The following ACSM5 variants were observed in gnomAD, a reference collection of about 807,000 sequenced individuals.
ACSM5 encodes acyl-CoA synthetase medium chain family member 5, also known as acyl-coenzyme A synthetase ACSM5, mitochondrial.
A neutral mutation model predicts 71.6 loss-of-function variants in ACSM5; 56 were observed. The ratio of observed to expected loss-of-function variants is 0.78; its 90% CI spans 0.63 to 0.98. The LOEUF (loss-of-function observed/expected upper bound fraction) is 0.98. ACSM5 is among the 50% of genes least tolerant of loss of function. The pLI is 0.00. For synonymous variants in ACSM5, 285 were observed against 281.5 expected (o/e 1.01, Z -0.12); for missense variants, 723 against 726.0 (o/e 1.00, Z 0.05).
chr16:20,411,394 G>A (rs1966847340), intron 1 of ACSM5, 76 bp from the exon 2 acceptor site: 1 of 1,229,552 alleles, frequency 8.1e-7, no homozygotes, highest in Non-Finnish European at 1.2e-6. Flanking sequence ...ACTAACCACA[G>A]GTTTCTCCTA....
chr16:20,429,616 C>T (rs775378574), intron 7 of ACSM5, 62 bp from the exon 8 acceptor site: 2 of 1,608,936 alleles, frequency 1.2e-6, no homozygotes, highest in Non-Finnish European at 8.5e-7. Flanking sequence ...GGCAGTGGCA[C>T]CAGAGGGCGG....
At chr16:20,439,153 T>TA (rs1967265650) in intron 12 of ACSM5, among the ~76,000 whole-genome samples, 1 of 147,272 alleles carries the variant, frequency 6.8e-6, no homozygotes, top group Admixed American at 6.8e-5. Context: ...CTGGAATTAA[T>TA]AAGCATCCAA....
rs1966861714 is a variant in ACSM5, at chr16:20,418,166, TGTGCTGGGGG to T, written c.317_326del (p.Leu106HisfsTer10). The T allele has an allele frequency of 6.2e-7, 1 of 1,613,346 alleles. No individual in the cohort carries two copies. The highest frequency in any genetic ancestry group is 1.3e-5 in the African/African-American group (1 of 74,968). ...GGAAGCAGTCCAGGAAGGCAGCCAA[TGTGCTGGGGG>T]GTGCATGCGGCCTGCAGCCTGGGGA... On this transcript the variant is annotated frameshift_variant, in exon 3 of 14. Coordinates refer to ENST00000331849, the MANE Select transcript of ACSM5 (RefSeq NM_017888.3). LOFTEE classifies it high-confidence loss of function.
At position 20,425,412 on chromosome 16, in the gene ACSM5, A is replaced by T. The variant is rs146913925; in HGVS notation, c.921+1343A>T. On this transcript the variant is annotated intron_variant, in intron 6 of 13. Coordinates refer to ENST00000331849, the MANE Select transcript of ACSM5 (RefSeq NM_017888.3). Reference sequence around the variant, plus strand: ...ATGGACACTTAGGTTGCTTCAAAACATAGTAGATTCTTTTTTTAAAAAAAA... The same window carrying T: ...ATGGACACTTAGGTTGCTTCAAAACTTAGTAGATTCTTTTTTTAAAAAAAA... Among the ~76,000 whole-genome samples, 780 of 152,304 alleles carry T rather than the reference A, an allele frequency of 5.1e-3. 10 individuals are homozygous for T. Among genetic ancestry groups the T allele is most frequent in the African/African-American group, 0.017 (694 of 41,562 alleles).
chr16:20,421,955 G>A (rs2141648189), intron 5 of ACSM5, among the ~76,000 whole-genome samples: 1 of 152,050 alleles, frequency 6.6e-6, no homozygotes, highest in African/African-American at 2.4e-5. Context: ...GCATCATGCA[G>A]TCTGTCCTTT....
intron 3 of ACSM5, among the ~76,000 whole-genome samples, 154 bp from the exon 4 acceptor site, chr16:20,419,074 C>T (rs189441623): frequency 2.0e-5 from 3 of 152,214 alleles, no homozygotes; most frequent in South Asian, 2.1e-4. Context: ...CTTATTCAGA[C>T]GGCTAGGGTT....
chr16:20,437,156 C>A lies in ACSM5; in HGVS notation c.1413C>A (p.Asn471Lys). 1.2e-6 allele frequency: 2 copies of A among 1,614,154 alleles called. No homozygotes were observed. Among genetic ancestry groups the A allele is most frequent in the Non-Finnish European group, 1.7e-6 (2 of 1,180,018 alleles). The change falls in exon 11 of 14, where the codon AAC becomes AAA. Residue 471 changes from asparagine (N) to lysine (K), a missense_variant. Transcript: ENST00000331849. ...GCTACTTTTGGTTCATGGGAAGAAA[C>A]GACGATGTGATCAATTCTTCAAGGT... is the stretch of plus-strand genomic sequence containing the variant. ...KDGYFWFMGR[N>K]DDVINSSSYR...
At chr16:20,419,671 G>A (rs1966869714) in intron 4 of ACSM5, 1 of 553,650 alleles carries the variant, frequency 1.8e-6, no homozygotes, top group Non-Finnish European at 3.2e-6. Context: ...CTTCTATAAT[G>A]CGGTGGTAGT....
intron 2 of ACSM5, among the ~76,000 whole-genome samples, chr16:20,415,130 A>T (rs1372806447): frequency 6.6e-6 from 1 of 152,192 alleles, no homozygotes; most frequent in Non-Finnish European, 1.5e-5. Flanking sequence ...TGCTGGTTAT[A>T]TTACAATGCT....
At position 20,418,073 on chromosome 16, in the gene ACSM5, C is replaced by A. The variant is rs1318451284; in HGVS notation, c.219C>A (p.Pro73=). ...WSRLEEAGHR[P]PNPAFWWVNG... ...CCACCATCTAGGCTGGACACCGCCC[C>A]CCAAATCCTGCCTTCTGGTGGGTCA... Residue 73 remains proline (P), a synonymous_variant, in exon 3 of 14, where the codon CCC becomes CCA. Transcript: ENST00000331849. The A allele has an allele frequency of 3.1e-6, 5 of 1,613,620 alleles. No homozygotes were observed. The African/African-American group carries it at 6.7e-5, about 22-fold the overall frequency.
intron 4 of ACSM5, among the ~76,000 whole-genome samples, chr16:20,420,338 C>A (rs541143573): frequency 6.6e-6 from 1 of 152,298 alleles, no homozygotes; most frequent in South Asian, 2.1e-4. Flanking sequence ...CCATGGCTCA[C>A]GCCTGTAATC....
chr16:20,432,137 C>G (rs1433180238), intron 10 of ACSM5, among the ~76,000 whole-genome samples: 2 of 151,960 alleles, frequency 1.3e-5, no homozygotes, highest in Non-Finnish European at 2.9e-5. Flanking sequence ...GTGTTTATGT[C>G]GGGCTTTCTT....
In ACSM5 at chr16:20,431,663, A is replaced by G. The variant is rs117524770; in HGVS notation, c.1308+342A>G. Among the ~76,000 whole-genome samples the G allele has an allele frequency of 4.0e-4, 61 of 152,182 alleles. No individual in the cohort carries two copies. In the East Asian group the frequency reaches 0.011, roughly 27 times the overall value. ...AAAGGAAAGGAGCTTCTGAAGGTCAAACTGCAGCCGGGTGCAGTGGCTCAC... is the reference window on the plus strand; with the variant it reads ...AAAGGAAAGGAGCTTCTGAAGGTCAGACTGCAGCCGGGTGCAGTGGCTCAC... On this transcript the variant is annotated intron_variant, in intron 10 of 13. Coordinates refer to ENST00000331849, the MANE Select transcript of ACSM5 (RefSeq NM_017888.3).
At chr16:20,424,216 C>T in intron 6 of ACSM5, 147 bp downstream of exon 6, 1 of 967,316 alleles carries the variant, frequency 1.0e-6, no homozygotes, top group Non-Finnish European at 1.5e-6. Flanking sequence ...TAATCTGGTT[C>T]CTGACCACCT....
intron 12 of ACSM5, among the ~76,000 whole-genome samples, chr16:20,438,705 C>T (rs1967252695): frequency 6.6e-6 from 1 of 151,460 alleles, no homozygotes; most frequent in Admixed American, 6.6e-5. Context: ...TCTGTAATCC[C>T]AGCACTTTGG....
rs1211623279 is a variant in ACSM5, at chr16:20,441,094, A to T, written c.*667A>T. 2.0e-5 allele frequency: 3 copies of T among 152,224 alleles called. No homozygotes were observed. The highest frequency in any genetic ancestry group is 4.4e-5 in the Non-Finnish European group (3 of 68,046). 9.4% of individuals were successfully genotyped at this position (152,224 alleles called of 1,614,324 possible). On this transcript the variant is annotated 3_prime_UTR_variant, in exon 14 of 14. Transcript: ENST00000331849. ...GAGCAGTTTAGTATGTCTTGGGAAAAGTGTAAGCTATATTAATTTTAAAAA... is the reference window on the plus strand; with the variant it reads ...GAGCAGTTTAGTATGTCTTGGGAAATGTGTAAGCTATATTAATTTTAAAAA...
intron 4 of ACSM5, 25 bp downstream of exon 4, chr16:20,419,460 C>T (rs777956169): frequency 6.8e-6 from 11 of 1,607,282 alleles, no homozygotes; most frequent in Non-Finnish European, 9.4e-6. Context: ...TCCAGAACAG[C>T]AGAAAAATGA....
In ACSM5 at chr16:20,437,192, G is replaced by T. The variant is rs1439163168; in HGVS notation, c.1436+13G>T. 6.2e-7 allele frequency: 1 copy of T among 1,614,026 alleles called. No individual in the cohort carries two copies. The highest frequency in any genetic ancestry group is 8.5e-7 in the Non-Finnish European group (1 of 1,180,008). On this transcript the variant is annotated intron_variant, in intron 11 of 13. Transcript: ENST00000331849. ...TCAATTCTTCAAGGTCAAGCTGTCT[G>T]CACTTTCCTCCTTCCTTTGAAATTT... is the stretch of plus-strand genomic sequence containing the variant.
In ACSM5 at chr16:20,440,502, G is replaced by A. The variant is rs1967305779; in HGVS notation, c.*75G>A. The A allele has an allele frequency of 7.4e-7, 1 of 1,347,484 alleles. No individual in the cohort carries two copies. The highest frequency in any genetic ancestry group is 2.3e-5 in the East Asian group (1 of 43,570). 83.5% of individuals were successfully genotyped at this position (1,347,484 alleles called of 1,614,324 possible). On this transcript the variant is annotated 3_prime_UTR_variant, in exon 14 of 14. Transcript: ENST00000331849. Reference sequence around the variant, plus strand: ...TAATGGATCACTGGTCAGTCCCCATGGGGAGCATCATCTCTTCGACCCTAA... The same window carrying A: ...TAATGGATCACTGGTCAGTCCCCATAGGGAGCATCATCTCTTCGACCCTAA...
Sources: gnomAD v4.1 joint callset for allele counts (sites outside exome capture counted in the v4.1 genomes callset) on GRCh38, gnomAD v4.1.1 for gene constraint, MANE v1.5 for transcripts, NCBI Gene and HGNC (gene_info 2026-07-23, HGNC 2026-07-21) for gene names.